KIF2A: variants seen among roughly 807,000 people sequenced by gnomAD.
KIF2A encodes the protein kinesin family member 2A, also known as kinesin-like protein KIF2A.
KIF2A carries 22 observed loss-of-function variants against 100.2 expected under a neutral mutation model. The ratio of observed to expected loss-of-function variants is 0.22; its 90% CI spans 0.16 to 0.31. KIF2A has a LOEUF of 0.31. Among genes scored for constraint, KIF2A ranks in the 10% least tolerant of loss-of-function variants. KIF2A has a pLI of 1.00. For synonymous variants in KIF2A, 268 were observed against 285.9 expected (o/e 0.94, Z 0.63); for missense variants, 495 against 898.7 (o/e 0.55, Z 5.74).
At chr5:62,360,661 G>C (rs575338259) in intron 9 of KIF2A, among the ~76,000 whole-genome samples, 1 of 152,136 alleles carries the variant, frequency 6.6e-6, no homozygotes, top group Non-Finnish European at 1.5e-5. Flanking sequence ...ACTCCAGCCT[G>C]GGGGACGAGA....
In KIF2A at chr5:62,373,901, T is replaced by A. The variant is rs1489223370; in HGVS notation, c.1911+64T>A. Reference sequence around the variant, plus strand: ...CATTTCATCAGTAGCAGAACTTAACTGAAAACTATCATTTAAATGAGGTGT... The same window carrying A: ...CATTTCATCAGTAGCAGAACTTAACAGAAAACTATCATTTAAATGAGGTGT... On this transcript the variant is annotated intron_variant, in intron 18 of 20. Coordinates refer to ENST00000407818, the MANE Select transcript of KIF2A (RefSeq NM_001098511.3). 7.7e-6 allele frequency: 10 copies of A among 1,290,876 alleles called. No individual in the cohort carries two copies. In the Admixed American group the frequency reaches 1.3e-4, roughly 16 times the overall value. 80.0% of individuals were successfully genotyped at this position (1,290,876 alleles called of 1,614,324 possible). A position where few individuals can be genotyped will look rare whatever the true frequency, so the allele number is the denominator to read the frequency against.
At chr5:62,352,466 C>T (rs1747899701) in intron 4 of KIF2A, 122 bp from the exon 5 acceptor site, 1 of 578,028 alleles carries the variant, frequency 1.7e-6, no homozygotes, top group South Asian at 3.0e-5. Flanking sequence ...AAATAGAAAA[C>T]CTGGCAACTT....
At position 62,390,919 on chromosome 5, in the gene KIF2A, T is replaced by C. The variant is rs1742282704; in HGVS notation, c.*5350T>C. 1.1e-5 allele frequency: 18 copies of C among 1,612,334 alleles called. No homozygotes were observed. Among genetic ancestry groups the C allele is most frequent in the Non-Finnish European group, 1.5e-5 (18 of 1,179,880 alleles). On this transcript the variant is annotated 3_prime_UTR_variant, in exon 21 of 21. Transcript: ENST00000407818. ...TCCATGGAACGGGCCCGTTTGTCAC[T>C]AAAACCTGTGCTGGTTAGGATTTGC...
chr5:62,362,497 G>A lies in KIF2A; in HGVS notation c.1075G>A (p.Glu359Lys). 6.8e-7 allele frequency: 1 copy of A among 1,464,122 alleles called. No homozygotes were observed. The highest frequency in any genetic ancestry group is 9.0e-7 in the Non-Finnish European group (1 of 1,110,280). 90.7% of individuals were successfully genotyped at this position (1,464,122 alleles called of 1,614,324 possible). The stretch of plus-strand genomic sequence containing the variant: ...AAAGAAGCCAAACTATAAGAAGCTA[G>A]AACTTCAAGTATATGCAACCTTCTT... ...MLKKPNYKKL[E>K]LQVYATFFEI... Residue 359 changes from glutamate to lysine, a missense_variant, in exon 12 of 21, where the codon GAA (glutamate) becomes AAA (lysine). Around this residue, in one of 10 missense-constraint regions of KIF2A, gnomAD observed 22 missense variants for 19.3 expected, o/e 1.14. Transcript: ENST00000407818.
intron 9 of KIF2A, among the ~76,000 whole-genome samples, chr5:62,360,528 T>C (rs1345763499): frequency 6.6e-6 from 1 of 151,990 alleles, no homozygotes; most frequent in Non-Finnish European, 1.5e-5. Flanking sequence ...CTACTAAAAA[T>C]ACAGAAATTA....
rs763739422 is a variant in KIF2A at position 62,327,156 on chromosome 5, C to G, written c.65-19974C>G. Among the ~76,000 whole-genome samples, 150 of 152,182 alleles carry G rather than the reference C, an allele frequency of 9.9e-4. 2 individuals are homozygous for G. Among genetic ancestry groups the G allele is most frequent in the Admixed American group, 4.4e-3 (67 of 15,280 alleles). The stretch of plus-strand genomic sequence containing the variant: ...TTCTTGATCTCCTTTGCTGGTATCT[C>G]ATTTCCCTGACCTCTATACAGAATT... On this transcript the variant is annotated intron_variant, in intron 1 of 20. Transcript: ENST00000407818.
At chr5:62,323,945 G>T (rs1746235174) in intron 1 of KIF2A, among the ~76,000 whole-genome samples, 2 of 151,746 alleles carry the variant, frequency 1.3e-5, no homozygotes, top group South Asian at 4.2e-4. Context: ...GAGGTGGGAG[G>T]ATCCCTTGAG....
At position 62,385,688 on chromosome 5, in the gene KIF2A, T is replaced by C. The variant is rs1409239523; in HGVS notation, c.*119T>C. The C allele has an allele frequency of 3.0e-6, 2 of 660,936 alleles. No homozygotes were observed. Among genetic ancestry groups the C allele is most frequent in the African/African-American group, 1.8e-5 (1 of 54,986 alleles). 40.9% of individuals were successfully genotyped at this position (660,936 alleles called of 1,614,324 possible). A position where few individuals can be genotyped will look rare whatever the true frequency, so the allele number is the denominator to read the frequency against. Reference sequence around the variant, plus strand: ...AGTGTCTGTGGAAAATGTTTTGTCCTTCACCTGAATTACATTTCAATTTTG... The same window carrying C: ...AGTGTCTGTGGAAAATGTTTTGTCCCTCACCTGAATTACATTTCAATTTTG... On this transcript the variant is annotated 3_prime_UTR_variant, in exon 21 of 21. Coordinates refer to ENST00000407818, the MANE Select transcript of KIF2A (RefSeq NM_001098511.3).
rs773217410 is a variant in KIF2A, at chr5:62,352,654, G to T, written c.401G>T (p.Gly134Val). 20 of 1,610,258 alleles carry T rather than the reference G, an allele frequency of 1.2e-5. No individual in the cohort carries two copies. The highest frequency in any genetic ancestry group is 1.6e-5 in the Non-Finnish European group (19 of 1,177,790). The part of the protein sequence containing the change: ...PEQSSSAQQN[G>V]SVSDISPVQA... ...CAGTCTTCCTCTGCACAACAGAATG[G>T]TAGTGTTTCAGATATATCTCCAGTT... The change falls in exon 5 of 21, where the codon GGT (glycine) becomes GTT (valine). Residue 134 changes from glycine to valine, a missense_variant. This residue lies in a region of KIF2A where 115 missense variants were observed against 143.6 expected (regional missense o/e 0.80). Transcript: ENST00000407818.
rs568823384 is a variant in KIF2A, at chr5:62,318,400, C to G, written c.64+11864C>G. On this transcript the variant is annotated intron_variant, in intron 1 of 20. Coordinates refer to ENST00000407818, the MANE Select transcript of KIF2A (RefSeq NM_001098511.3). ...CCGGCCATAAATTTATTTTTATAAGCCCATTGTTTGAAATTATTTTGGGAT... is the reference window on the plus strand; with the variant it reads ...CCGGCCATAAATTTATTTTTATAAGGCCATTGTTTGAAATTATTTTGGGAT... 1.2e-4 allele frequency among the ~76,000 whole-genome samples: 18 copies of G among 152,152 alleles called. No homozygotes were observed. The South Asian group carries it at 3.7e-3, about 32-fold the overall frequency.
At chr5:62,361,202 T>A (rs760194259) in intron 9 of KIF2A, 40 bp from the exon 10 acceptor site, 1 of 1,094,564 alleles carries the variant, frequency 9.1e-7, no homozygotes, top group South Asian at 1.4e-5. Flanking sequence ...TTCATCAAAA[T>A]ATTGGTGACA....
intron 1 of KIF2A, among the ~76,000 whole-genome samples, chr5:62,315,059 G>A (rs775141415): frequency 6.6e-6 from 1 of 151,854 alleles, no homozygotes; most frequent in East Asian, 1.9e-4. Context: ...CACTACACCC[G>A]GCCTTATGCC....
intron 16 of KIF2A, among the ~76,000 whole-genome samples, chr5:62,369,664 A>AAT (rs1391506124): frequency 7.5e-6 from 1 of 133,906 alleles, no homozygotes; most frequent in Admixed American, 7.6e-5. Flanking sequence ...TTGTGACCTT[A>AAT]AGAGTCAGTA....
intron 20 of KIF2A, among the ~76,000 whole-genome samples, chr5:62,381,868 C>A (rs1741783491): frequency 6.6e-6 from 1 of 152,204 alleles, no homozygotes; most frequent in Admixed American, 6.5e-5. Flanking sequence ...TGGCCTCTGC[C>A]ACTTTTTTTT....
At chr5:62,367,832 T>A (rs145669688) in intron 16 of KIF2A, among the ~76,000 whole-genome samples, 56 of 152,326 alleles carry the variant, frequency 3.7e-4, no homozygotes, top group African/African-American at 1.3e-3. Context: ...CTGTTTAGTG[T>A]TAAATTTCTC....
chr5:62,365,314 A>G lies in KIF2A; in HGVS notation c.1539A>G (p.Leu513=), dbSNP rs533902939. The stretch of plus-strand genomic sequence containing the variant: ...GTGCAAGTAAACTCACTCAGGTGTT[A>G]AGAGATTCTTTCATAGGTGAAAACT... ...PFRASKLTQV[L]RDSFIGENSR... The change falls in exon 15 of 21, where the codon TTA becomes TTG. Residue 513 remains leucine, a synonymous_variant. Coordinates refer to ENST00000407818, the MANE Select transcript of KIF2A (RefSeq NM_001098511.3). 2 of 1,607,012 alleles carry G rather than the reference A, an allele frequency of 1.2e-6. No individual in the cohort carries two copies. Among genetic ancestry groups the G allele is most frequent in the Admixed American group, 1.7e-5 (1 of 59,342 alleles).
chr5:62,319,160 TAACAAC>T (rs35093486), intron 1 of KIF2A, among the ~76,000 whole-genome samples: 3,671 of 149,792 alleles, frequency 0.025, 152 homozygotes, highest in African/African-American at 0.085. Flanking sequence ...GTAATTTGGT[TAACAAC>T]AACAACAACA....
At position 62,385,943 on chromosome 5, in the gene KIF2A, T is replaced by TG. The variant is rs1371341304; in HGVS notation, c.*375dup. ...CTCAGTTCAATTTTTGTAGTGAGAC[T>TG]GAGCAGTTTTAAATCCTTTGCGTGC... On this transcript the variant is annotated 3_prime_UTR_variant, in exon 21 of 21. Coordinates refer to ENST00000407818, the MANE Select transcript of KIF2A (RefSeq NM_001098511.3). 1 of 227,516 alleles carries TG rather than the reference T, an allele frequency of 4.4e-6. No homozygotes were observed. The highest frequency in any genetic ancestry group is 2.3e-5 in the African/African-American group (1 of 44,048). 14.1% of individuals were successfully genotyped at this position (227,516 alleles called of 1,614,324 possible).
At chr5:62,342,219 T>C (rs766510033) in intron 1 of KIF2A, among the ~76,000 whole-genome samples, 7 of 152,242 alleles carry the variant, frequency 4.6e-5, no homozygotes, top group Non-Finnish European at 7.3e-5. Flanking sequence ...TTAGCCTCAC[T>C]ACTCATGTTG....
Sources: gnomAD v4.1 joint callset for allele counts (sites outside exome capture counted in the v4.1 genomes callset) on GRCh38, gnomAD v4.1.1 for gene constraint, gnomAD v4.1.1 regional missense constraint, MANE v1.5 for transcripts, NCBI Gene and HGNC (gene_info 2026-07-23, HGNC 2026-07-21) for gene names.